The following CACNA2D2 variants were observed in gnomAD, a reference collection of about 807,000 sequenced individuals.
CACNA2D2 encodes voltage-dependent calcium channel subunit alpha-2/delta-2.
A neutral mutation model predicts 166.4 loss-of-function variants in CACNA2D2; 48 were observed. The ratio of observed to expected loss-of-function variants is 0.29; its 90% confidence interval spans 0.23 to 0.37. The LOEUF is 0.37. CACNA2D2 is among the 10% of genes least tolerant of loss of function. CACNA2D2 has a pLI of 1.00. For synonymous variants in CACNA2D2, 561 were observed against 573.7 expected (o/e 0.98, Z 0.32); for missense variants, 1,122 against 1,433.0 (o/e 0.78, Z 3.50).
chr3:50,495,208 G>A lies in CACNA2D2; in HGVS notation c.206+8010C>T, dbSNP rs189927337. 3.6e-4 allele frequency among the ~76,000 whole-genome samples: 55 copies of A among 152,292 alleles called. No homozygotes were observed. In the East Asian group the frequency reaches 7.1e-3, roughly 20 times the overall value. ...GACCTCAGGGATTTCTGTGGCTGTG[G>A]CATGTCCTTTCCAAGTCAGGGACGC... On this transcript the variant is annotated intron_variant, in intron 1 of 37. Transcript: ENST00000424201.
intron 1 of CACNA2D2, among the ~76,000 whole-genome samples, chr3:50,495,964 T>C (rs557630287): frequency 5.5e-4 from 84 of 152,266 alleles, no homozygotes; most frequent in Non-Finnish European, 1.1e-3. Flanking sequence ...ACGCAGCCTC[T>C]GTTTCCTTTG....
intron 2 of CACNA2D2, among the ~76,000 whole-genome samples, chr3:50,459,795 C>A (rs1214459522): frequency 6.6e-6 from 1 of 152,226 alleles, no homozygotes; most frequent in Admixed American, 6.5e-5. Context: ...CTGCACCCCA[C>A]CAGCTCACTG....
Position 50,365,314 on chromosome 3 carries a change from AG to A in CACNA2D2, c.3098+41del. Reference sequence around the variant, plus strand: ...CTCCCGAGCGTCTCGCCCCGCTCACAGGTTCCGCCCTTGGCCTCTGGTCCCG... The same window carrying A: ...CTCCCGAGCGTCTCGCCCCGCTCACAGTTCCGCCCTTGGCCTCTGGTCCCG... On this transcript the variant is annotated intron_variant, in intron 35 of 37. Coordinates refer to ENST00000424201, the MANE Select transcript of CACNA2D2 (RefSeq NM_006030.4). This position sits in a 1 kb window ranked among gnomAD's most constrained non-coding sequence, Gnocchi z 4.5. 6.4e-7 allele frequency: 1 copy of A among 1,556,004 alleles called. No homozygotes were observed. Among genetic ancestry groups the A allele is most frequent in the Non-Finnish European group, 8.7e-7 (1 of 1,150,524 alleles).
At chr3:50,439,798 G>C (rs1231855225) in intron 2 of CACNA2D2, among the ~76,000 whole-genome samples, 1 of 152,194 alleles carries the variant, frequency 6.6e-6, no homozygotes, top group Non-Finnish European at 1.5e-5. Context: ...TGGCTAGGGG[G>C]CTTGTGGTGG....
At chr3:50,377,849 C>T (rs146614114) in intron 15 of CACNA2D2, 46 bp from the exon 16 acceptor site, 1 of 1,556,660 alleles carries the variant, frequency 6.4e-7, no homozygotes, top group Admixed American at 1.7e-5. Context: ...CCAGCACTGA[C>T]CCCACCCTGA....
intron 3 of CACNA2D2, among the ~76,000 whole-genome samples, chr3:50,422,285 C>T (rs1334937529): frequency 6.6e-6 from 1 of 152,174 alleles, no homozygotes; most frequent in Non-Finnish European, 1.5e-5. Context: ...AACCTGGCTC[C>T]CCACACAGTG....
rs1305552401 is a variant in CACNA2D2, at chr3:50,365,812, G to A, written c.2913C>T (p.Ala971=). The A allele has an allele frequency of 1.2e-6, 2 of 1,613,520 alleles. No individual in the cohort carries two copies. Among genetic ancestry groups the A allele is most frequent in the Non-Finnish European group, 1.7e-6 (2 of 1,180,016 alleles). Reference sequence around the variant, plus strand: ...CCCACCTCCCGCTCAGGACTCACCAGGCGGCAGCAGAGGTCCACCAGGCCA... The same window carrying A: ...CCCACCTCCCGCTCAGGACTCACCAAGCGGCAGCAGAGGTCCACCAGGCCA... ...LNLAWWTSAA[A]WSLFQQLLYG... Residue 971 remains alanine (A), a splice_region_variant and synonymous_variant, in exon 33 of 38, where the codon GCC becomes GCT. Transcript: ENST00000424201. The surrounding 1 kb of genome is among the most constrained non-coding windows in gnomAD (Gnocchi z 4.5).
At position 50,367,555 on chromosome 3, in the gene CACNA2D2, C is replaced by T; in HGVS notation, c.2298-58G>A. 6.2e-7 allele frequency: 1 copy of T among 1,608,336 alleles called. No homozygotes were observed. On this transcript the variant is annotated intron_variant, in intron 26 of 37. Coordinates refer to ENST00000424201, the MANE Select transcript of CACNA2D2 (RefSeq NM_006030.4). The surrounding 1 kb of genome is among the most constrained non-coding windows in gnomAD (Gnocchi z 6.5). ...GGGGTGGCTTGTCGGGGACAGTGGTCTCCACAGATGCAAGGAGGCCTCTGG... is the reference window on the plus strand; with the variant it reads ...GGGGTGGCTTGTCGGGGACAGTGGTTTCCACAGATGCAAGGAGGCCTCTGG...
intron 3 of CACNA2D2, among the ~76,000 whole-genome samples, chr3:50,414,364 C>A (rs1156901805): frequency 2.0e-5 from 3 of 152,178 alleles, no homozygotes; most frequent in Non-Finnish European, 4.4e-5. Context: ...GTCTTCTCAT[C>A]CACAACCTGT....
In CACNA2D2 at chr3:50,376,984, C is replaced by T. The variant is rs761841525; in HGVS notation, c.1626+483G>A. Among the ~76,000 whole-genome samples, 1 of 152,244 alleles carries T rather than the reference C, an allele frequency of 6.6e-6. No homozygotes were observed. The highest frequency in any genetic ancestry group is 1.5e-5 in the Non-Finnish European group (1 of 68,046). ...CCTTTCCTTTCTGCCTGGGACACTC[C>T]TGCCTATGTGCATGGGCCAGGTCTG... On this transcript the variant is annotated intron_variant, in intron 17 of 37. Transcript: ENST00000424201. The surrounding 1 kb of genome is among the most constrained non-coding windows in gnomAD (Gnocchi z 4.3).
intron 2 of CACNA2D2, among the ~76,000 whole-genome samples, chr3:50,445,994 G>A (rs1708826774): frequency 6.6e-6 from 1 of 152,174 alleles, no homozygotes; most frequent in Non-Finnish European, 1.5e-5. Context: ...AGCAGCAACA[G>A]GGGCCAGCAT....
At chr3:50,472,521 T>A (rs1710141373) in intron 2 of CACNA2D2, among the ~76,000 whole-genome samples, 1 of 152,100 alleles carries the variant, frequency 6.6e-6, no homozygotes, top group Non-Finnish European at 1.5e-5. Flanking sequence ...TCTATAGAGA[T>A]CCTCCAAGGA....
intron 2 of CACNA2D2, among the ~76,000 whole-genome samples, chr3:50,470,341 G>T (rs577279794): frequency 3.3e-5 from 5 of 152,176 alleles, no homozygotes; most frequent in African/African-American, 1.2e-4. Flanking sequence ...ACTGGGGTGG[G>T]GGAGGCTCCA....
chr3:50,429,711 AGTAAGCC>A (rs1707981059), intron 3 of CACNA2D2, among the ~76,000 whole-genome samples: 1 of 151,354 alleles, frequency 6.6e-6, no homozygotes, highest in Non-Finnish European at 1.5e-5. Context: ...CGGAGCTTAC[AGTAAGCC>A]GAGATCATGC....
intron 2 of CACNA2D2, among the ~76,000 whole-genome samples, chr3:50,434,640 A>T (rs1708225404): frequency 6.6e-6 from 1 of 152,168 alleles, no homozygotes; most frequent in Admixed American, 6.5e-5. Context: ...TGCATCTGGG[A>T]TGAGGGCCCA....
chr3:50,446,425 G>A (rs748631553), intron 2 of CACNA2D2, among the ~76,000 whole-genome samples: 28 of 152,230 alleles, frequency 1.8e-4, no homozygotes, highest in Non-Finnish European at 3.5e-4. Context: ...CTTACCACAT[G>A]CATGAACACA....
intron 1 of CACNA2D2, among the ~76,000 whole-genome samples, chr3:50,499,046 T>A (rs944870790): frequency 1.3e-5 from 2 of 152,182 alleles, no homozygotes; most frequent in Admixed American, 1.3e-4. Context: ...GAGATCACCA[T>A]TAGCCTGGAG....
intron 22 of CACNA2D2, among the ~76,000 whole-genome samples, chr3:50,374,308 G>A (rs1318465395): frequency 1.2e-5 from 1 of 84,644 alleles, no homozygotes; most frequent in East Asian, 4.7e-4. Flanking sequence ...AGAGGGACAG[G>A]AGGAGGGGGA....
At chr3:50,396,635 C>T (rs1706169736) in intron 3 of CACNA2D2, among the ~76,000 whole-genome samples, 1 of 152,180 alleles carries the variant, frequency 6.6e-6, no homozygotes, top group South Asian at 2.1e-4. Flanking sequence ...GTTCGCAATG[C>T]TTGTCACCAG....
Sources: allele counts gnomAD v4.1 joint callset (sites outside exome capture counted in the v4.1 genomes callset), GRCh38; gene constraint gnomAD v4.1.1; non-coding constraint Gnocchi (gnomAD v3.1); transcripts MANE v1.5; gene names NCBI Gene and HGNC (gene_info 2026-07-23, HGNC 2026-07-21).